TAFA1: variants seen among roughly 807,000 people sequenced by gnomAD.
The protein encoded by TAFA1 is chemokine-like protein TAFA-1.
Under a neutral mutation model 18.5 loss-of-function variants are expected in TAFA1, and 4 were observed. The ratio of observed to expected loss-of-function variants is 0.22; its 90% CI spans 0.11 to 0.49. The LOEUF (loss-of-function observed/expected upper bound fraction) is 0.49, where lower values mean the gene tolerates loss of function less well. Among genes scored for constraint, TAFA1 ranks in the 20% least tolerant of loss-of-function variants. The pLI, the probability that TAFA1 is intolerant of heterozygous loss-of-function variation, is 0.98. For synonymous variants in TAFA1, 56 were observed against 55.2 expected (o/e 1.01, Z -0.06); for missense variants, 147 against 169.0 (o/e 0.87, Z 0.72).
chr3:68,209,042 G>A (rs924341602), intron 2 of TAFA1, among the ~76,000 whole-genome samples: 1 of 151,918 alleles, frequency 6.6e-6, no homozygotes, highest in Non-Finnish European at 1.5e-5. Context: ...GTAACCTCTG[G>A]GTGCCAAGAG....
intron 2 of TAFA1, among the ~76,000 whole-genome samples, chr3:68,319,253 G>C (rs569604689): frequency 5.9e-5 from 9 of 152,298 alleles, no homozygotes; most frequent in African/African-American, 1.9e-4. Context: ...ACAAAATAGA[G>C]AACAGTCACA....
At chr3:68,384,331 A>G (rs945969849) in intron 2 of TAFA1, among the ~76,000 whole-genome samples, 9 of 151,930 alleles carry the variant, frequency 5.9e-5, no homozygotes, top group Non-Finnish European at 1.5e-5. Flanking sequence ...CTATCTTAAC[A>G]CTGCTTTAGC....
At chr3:68,071,246 A>G (rs557292009) in intron 2 of TAFA1, among the ~76,000 whole-genome samples, 13 of 152,362 alleles carry the variant, frequency 8.5e-5, no homozygotes, top group African/African-American at 3.1e-4. Flanking sequence ...GTCACACCTT[A>G]TGTGGATGGC....
At chr3:68,512,053 C>T (rs2072855123) in intron 3 of TAFA1, among the ~76,000 whole-genome samples, 1 of 151,984 alleles carries the variant, frequency 6.6e-6, no homozygotes, top group Admixed American at 6.6e-5. Flanking sequence ...AAAAAGGGCA[C>T]CAAGGTTTAC....
At chr3:68,455,332 G>T (rs1202739243) in intron 3 of TAFA1, among the ~76,000 whole-genome samples, 1 of 151,950 alleles carries the variant, frequency 6.6e-6, no homozygotes, top group Non-Finnish European at 1.5e-5. Context: ...TTACAGAAAT[G>T]CATCATAACA....
chr3:68,489,929 T>C (rs988342847), intron 3 of TAFA1, among the ~76,000 whole-genome samples: 1 of 152,238 alleles, frequency 6.6e-6, no homozygotes, highest in African/African-American at 2.4e-5. Flanking sequence ...CCATCTTTTT[T>C]ACTTAAATGA....
At chr3:68,341,807 G>A (rs1399894490) in intron 2 of TAFA1, among the ~76,000 whole-genome samples, 1 of 152,300 alleles carries the variant, frequency 6.6e-6, no homozygotes, top group East Asian at 1.9e-4. Flanking sequence ...AGTCACCGAA[G>A]TAAAGGTTAG....
intron 2 of TAFA1, among the ~76,000 whole-genome samples, chr3:68,300,477 C>T (rs547274290): frequency 1.3e-5 from 2 of 152,238 alleles, no homozygotes; most frequent in South Asian, 4.1e-4. Context: ...TTGCAGATTC[C>T]TAGGTGGAAG....
intron 2 of TAFA1, among the ~76,000 whole-genome samples, chr3:68,044,865 C>A (rs1705236124): frequency 6.6e-6 from 1 of 152,118 alleles, no homozygotes; most frequent in African/African-American, 2.4e-5. Flanking sequence ...CATAAAGTGG[C>A]AAAATTACTG....
chr3:68,491,122 AC>A (rs1275397746), intron 3 of TAFA1, among the ~76,000 whole-genome samples: 4 of 152,154 alleles, frequency 2.6e-5, no homozygotes, highest in African/African-American at 9.7e-5. Context: ...TACAGGCATG[AC>A]CCACTGCAGC....
At chr3:68,039,951 A>C (rs1705129927) in intron 2 of TAFA1, among the ~76,000 whole-genome samples, 1 of 152,086 alleles carries the variant, frequency 6.6e-6, no homozygotes, top group African/African-American at 2.4e-5. Flanking sequence ...CACTCCATAC[A>C]TTTCTGATCT....
At chr3:68,488,684 A>C (rs556990171) in intron 3 of TAFA1, among the ~76,000 whole-genome samples, 1 of 152,360 alleles carries the variant, frequency 6.6e-6, no homozygotes, top group Admixed American at 6.5e-5. Context: ...TGTAAATATT[A>C]AATGAGATGA....
chr3:68,283,945 A>G (rs1024616164), intron 2 of TAFA1, among the ~76,000 whole-genome samples: 1 of 152,230 alleles, frequency 6.6e-6, no homozygotes, highest in African/African-American at 2.4e-5. Context: ...AAGTAAAAGG[A>G]TACATCAACT....
At chr3:68,402,066 A>C (rs978808813) in intron 2 of TAFA1, among the ~76,000 whole-genome samples, 2 of 152,216 alleles carry the variant, frequency 1.3e-5, no homozygotes, top group African/African-American at 2.4e-5. Context: ...TGGCATGTCA[A>C]GAATTTAGCC....
intron 3 of TAFA1, among the ~76,000 whole-genome samples, chr3:68,473,524 C>A (rs904887816): frequency 6.6e-6 from 1 of 152,074 alleles, no homozygotes; most frequent in Non-Finnish European, 1.5e-5. Flanking sequence ...AGTGGTCTTA[C>A]TAGCAGGTAG....
At chr3:68,313,512 C>T (rs1447158554) in intron 2 of TAFA1, among the ~76,000 whole-genome samples, 3 of 152,184 alleles carry the variant, frequency 2.0e-5, no homozygotes, top group African/African-American at 4.8e-5. Context: ...GATATTTAAG[C>T]ATCATCTACC....
At chr3:68,407,249 C>G (rs1474797401) in intron 2 of TAFA1, among the ~76,000 whole-genome samples, 1 of 151,988 alleles carries the variant, frequency 6.6e-6, no homozygotes. Flanking sequence ...AATTTTCATG[C>G]CTACTCTGAA....
At chr3:68,261,310 G>A (rs968964030) in intron 2 of TAFA1, among the ~76,000 whole-genome samples, 1 of 152,172 alleles carries the variant, frequency 6.6e-6, no homozygotes, top group African/African-American at 2.4e-5. Context: ...CTTTGACACT[G>A]TTGGTGGGAC....
At chr3:68,409,945 G>A (rs1277479050) in intron 2 of TAFA1, among the ~76,000 whole-genome samples, 1 of 152,092 alleles carries the variant, frequency 6.6e-6, no homozygotes, top group Non-Finnish European at 1.5e-5. Flanking sequence ...CACCAGTGGG[G>A]ACCCTTTTAA....
Sources: gnomAD v4.1 joint callset for allele counts (sites outside exome capture counted in the v4.1 genomes callset) on GRCh38, gnomAD v4.1.1 for gene constraint, MANE v1.5 for transcripts, NCBI Gene and HGNC (gene_info 2026-07-23, HGNC 2026-07-21) for gene names.